Variants in CDH3 observed in about 807,000 individuals in gnomAD.
The protein encoded by CDH3 is cadherin-3.
In CDH3, 54 loss-of-function variants were observed where a neutral mutation model predicts 82.0. The ratio of observed to expected loss-of-function variants is 0.66; its 90% CI spans 0.53 to 0.83. The LOEUF is 0.83. CDH3 is among the 40% of genes least tolerant of loss of function. The pLI is 0.00. For missense variants in CDH3, 1,054 were observed against 1,084.6 expected (o/e 0.97, Z 0.40); for synonymous variants, 446 against 437.9 (o/e 1.02, Z -0.23).
intron 2 of CDH3, among the ~76,000 whole-genome samples, chr16:68,675,291 T>TC (rs1017783271): frequency 1.1e-4 from 16 of 152,148 alleles, no homozygotes; most frequent in Non-Finnish European, 1.5e-5. Flanking sequence ...CGTGGGGCCG[T>TC]CCTTGTGGTC....
At chr16:68,669,622 G>C (rs954210927) in intron 2 of CDH3, among the ~76,000 whole-genome samples, 6 of 152,030 alleles carry the variant, frequency 3.9e-5, no homozygotes, top group Admixed American at 6.6e-5. Context: ...GTGGCGGGGG[G>C]GGTGGGCGGT....
intron 2 of CDH3, among the ~76,000 whole-genome samples, chr16:68,649,676 G>A (rs904150844): frequency 1.3e-5 from 2 of 152,102 alleles, no homozygotes; most frequent in East Asian, 1.9e-4. Flanking sequence ...GTGTGGCCAG[G>A]GGAGATGAAG....
In CDH3 at chr16:68,698,097, G is replaced by A. The variant is rs543918911; in HGVS notation, c.2281-94G>A. On this transcript the variant is annotated intron_variant, in intron 15 of 15. Coordinates refer to ENST00000264012, the MANE Select transcript of CDH3 (RefSeq NM_001793.6). ...TTCTACCTCCAAAACCTTTAGGGGA[G>A]GGGAGAGAGGGGCTCACAGAGAGGA... 35 of 1,096,800 alleles carry A rather than the reference G, an allele frequency of 3.2e-5. No homozygotes were observed. The East Asian group carries it at 7.3e-4, about 23-fold the overall frequency. The allele number at this position is 1,096,800 out of a possible 1,614,324, so 67.9% of individuals were successfully genotyped here. A position where few individuals can be genotyped will look rare whatever the true frequency, so the allele number is the denominator to read the frequency against.
At position 68,653,091 on chromosome 16, in the gene CDH3, G is replaced by T. The variant is rs146399475; in HGVS notation, c.160+7341G>T. Among the ~76,000 whole-genome samples the T allele has an allele frequency of 7.7e-3, 1,166 of 152,172 alleles. 18 individuals are homozygous for T. Among genetic ancestry groups the T allele is most frequent in the African/African-American group, 0.027 (1,108 of 41,516 alleles). Reference sequence around the variant, plus strand: ...TGGACTGAGATATCAGCTCCTCTCTGTTCTGAAGTAGTGAGGTGTCTTCTG... The same window carrying T: ...TGGACTGAGATATCAGCTCCTCTCTTTTCTGAAGTAGTGAGGTGTCTTCTG... On this transcript the variant is annotated intron_variant, in intron 2 of 15. Coordinates refer to ENST00000264012, the MANE Select transcript of CDH3 (RefSeq NM_001793.6).
At chr16:68,719,389 A>G (rs1245284525) in intron 1 of CDH3, among the ~76,000 whole-genome samples, 4 of 152,134 alleles carry the variant, frequency 2.6e-5, no homozygotes, top group Non-Finnish European at 5.9e-5. Context: ...GACAATCTAG[A>G]AAAAGCAAAA....
At chr16:68,684,461 C>T in intron 9 of CDH3, 122 bp from the exon 10 acceptor site, 2 of 1,103,322 alleles carry the variant, frequency 1.8e-6, no homozygotes, top group Non-Finnish European at 2.8e-6. Flanking sequence ...AAGGGCAGCA[C>T]TGTTGCTAGT....
rs750500641 is a variant in CDH3 at position 68,695,785 on chromosome 16, C to T, written c.2142C>T (p.Asp714=). 5 of 1,614,136 alleles carry T rather than the reference C, an allele frequency of 3.1e-6. No individual in the cohort carries two copies. The highest frequency in any genetic ancestry group is 1.6e-4 in the Middle Eastern group (1 of 6,062). ...CCTGCATTTCCCCACAGGACTATGACATCACCCAGCTCCACCGAGGTCTGG... is the reference window on the plus strand; with the variant it reads ...CCTGCATTTCCCCACAGGACTATGATATCACCCAGCTCCACCGAGGTCTGG... ...EGGGEEDQDY[D]ITQLHRGLEA... Residue 714 remains aspartate, a synonymous_variant, in exon 15 of 16, where the codon GAC becomes GAT. Transcript: ENST00000264012.
intron 9 of CDH3, 101 bp from the exon 10 acceptor site, chr16:68,684,482 A>G (rs946959554): frequency 7.2e-7 from 1 of 1,396,676 alleles, no homozygotes; most frequent in Admixed American, 1.7e-5. Flanking sequence ...GAGGGCCTCA[A>G]GCCCCTCAGT....
At chr16:68,705,222 G>T (rs34592833), downstream of CDH3, among the ~76,000 whole-genome samples, 2 of 152,026 alleles carry the variant, frequency 1.3e-5, no homozygotes, top group Non-Finnish European at 2.9e-5. Context: ...CAGGCAGGCC[G>T]TAGAAGGTGC....
chr16:68,733,415 C>A, the CDH3 span, among the ~76,000 whole-genome samples: 2 of 152,118 alleles, frequency 1.3e-5, no homozygotes, highest in Non-Finnish European at 2.9e-5. Context: ...AGTTGTGAGC[C>A]ACCAGGCCTG....
intron 1 of CDH3, among the ~76,000 whole-genome samples, chr16:68,710,075 G>T (rs1210068053): frequency 6.6e-6 from 1 of 152,226 alleles, no homozygotes; most frequent in Non-Finnish European, 1.5e-5. Context: ...TCTGGATTAG[G>T]TTGGTTACAT....
chr16:68,676,901 T>C (rs1324524290), intron 3 of CDH3, among the ~76,000 whole-genome samples: 1 of 152,156 alleles, frequency 6.6e-6, no homozygotes, highest in African/African-American at 2.4e-5. Context: ...ATAGCTAATA[T>C]AGCCACATGG....
At chr16:68,685,383 CCACTTT>C in intron 11 of CDH3, 33 bp downstream of exon 11, 1 of 1,611,626 alleles carries the variant, frequency 6.2e-7, no homozygotes, top group South Asian at 1.1e-5. Flanking sequence ...CCCACAAGGG[CCACTTT>C]TGGTTCTCAG....
At chr16:68,655,414 A>C (rs1186686774) in intron 2 of CDH3, among the ~76,000 whole-genome samples, 2 of 152,224 alleles carry the variant, frequency 1.3e-5, no homozygotes, top group Non-Finnish European at 2.9e-5. Flanking sequence ...GAGTTCAGGT[A>C]CTGTTTACTG....
In CDH3 at chr16:68,691,783, CTCTG is replaced by C; in HGVS notation, c.1864_1867del (p.Ser622ThrfsTer8). On this transcript the variant is annotated frameshift_variant, in exon 13 of 16. Transcript: ENST00000264012. LOFTEE classifies it high-confidence loss of function. ...CAGGATACATATGACGTGCACCTTT[CTCTG>C]TCTGACCATGGCAACAAAGAGCAGC... 1 of 1,614,218 alleles carries C rather than the reference CTCTG, an allele frequency of 6.2e-7. No homozygotes were observed. Among genetic ancestry groups the C allele is most frequent in the Non-Finnish European group, 8.5e-7 (1 of 1,180,042 alleles).
Position 68,698,250 on chromosome 16 carries a change from C to T in CDH3, c.2340C>T (p.Phe780=), listed in dbSNP as rs1425381774. The change falls in exon 16 of 16, where the codon TTC becomes TTT. Residue 780 remains phenylalanine, a synonymous_variant. Coordinates refer to ENST00000264012, the MANE Select transcript of CDH3 (RefSeq NM_001793.6). ...CGCCCTACGACACCCTCTTGGTGTT[C>T]GACTATGAGGGCAGCGGCTCCGACG... ...TAPPYDTLLV[F]DYEGSGSDAA... is the part of the protein sequence containing the mutation. The T allele has an allele frequency of 5.6e-6, 9 of 1,614,102 alleles. No individual in the cohort carries two copies. The highest frequency in any genetic ancestry group is 2.2e-5 in the East Asian group (1 of 44,902).
rs2152087452 is a variant in CDH3, at chr16:68,645,635, G to C, written c.46-1G>C. ...CCTTCACTCTCTGCCCTCGGGCGCA[G>C]GTTTGCTGGCTGCAGTGCGCGGCCT... is the stretch of plus-strand genomic sequence containing the variant. On this transcript the variant is annotated splice_acceptor_variant, in intron 1 of 15. Transcript: ENST00000264012. LOFTEE classifies it high-confidence loss of function. The C allele has an allele frequency of 6.5e-7, 1 of 1,541,550 alleles. No individual in the cohort carries two copies. Among genetic ancestry groups the C allele is most frequent in the Non-Finnish European group, 8.7e-7 (1 of 1,146,464 alleles).
At chr16:68,669,232 A>T (rs1960820854) in intron 2 of CDH3, among the ~76,000 whole-genome samples, 1 of 152,170 alleles carries the variant, frequency 6.6e-6, no homozygotes, top group Non-Finnish European at 1.5e-5. Context: ...TTTGGGTAGG[A>T]AAACACTTAG....
intron 9 of CDH3, among the ~76,000 whole-genome samples, chr16:68,684,077 A>AAT (rs1326563676): frequency 6.6e-6 from 1 of 151,180 alleles, no homozygotes; most frequent in Non-Finnish European, 1.5e-5. Context: ...CAAAAAAAAA[A>AAT]AAAAAAAGCT....
Sources: gnomAD v4.1 joint callset for allele counts (sites outside exome capture counted in the v4.1 genomes callset) on GRCh38, gnomAD v4.1.1 for gene constraint, MANE v1.5 for transcripts, NCBI Gene and HGNC (gene_info 2026-07-23, HGNC 2026-07-21) for gene names.